PCDH17: variants seen among roughly 807,000 people sequenced by gnomAD.
PCDH17 encodes the protein protocadherin 17, also known as protocadherin-17.
Under a neutral mutation model 67.7 loss-of-function variants are expected in PCDH17, and 21 were observed. The ratio of observed to expected loss-of-function variants is 0.31; its 90% CI spans 0.22 to 0.45. The LOEUF (loss-of-function observed/expected upper bound fraction) is 0.45, where lower values mean the gene tolerates loss of function less well. PCDH17 is among the 20% of genes least tolerant of loss of function. The probability of loss-of-function intolerance (pLI) is 1.00; values close to 1 mark genes in which losing one functional copy is unlikely to be tolerated. For missense variants in PCDH17, 1,471 were observed against 1,564.8 expected (o/e 0.94, Z 1.01); for synonymous variants, 701 against 656.7 (o/e 1.07, Z -1.03).
intron 1 of PCDH17, among the ~76,000 whole-genome samples, chr13:57,661,955 A>T (rs1955189095): frequency 6.6e-6 from 1 of 152,028 alleles, no homozygotes; most frequent in Non-Finnish European, 1.5e-5. Context: ...CGCCTCCTGG[A>T]TTCAAGCGAT....
chr13:57,684,086 C>T (rs556679547), intron 3 of PCDH17, among the ~76,000 whole-genome samples: 28 of 151,892 alleles, frequency 1.8e-4, no homozygotes, highest in Non-Finnish European at 3.4e-4. Context: ...GTTAAAAGAA[C>T]GACTCTCCAG....
Position 57,634,901 on chromosome 13 carries a change from G to A in PCDH17, c.2355G>A (p.Val785=), listed in dbSNP as rs1160277559. 1 of 1,613,832 alleles carries A rather than the reference G, an allele frequency of 6.2e-7. No homozygotes were observed. Among genetic ancestry groups the A allele is most frequent in the Non-Finnish European group, 8.5e-7 (1 of 1,179,984 alleles). ...EERNAMNVMN[V]VSSPSLATSP... ...GGAACGCCATGAACGTCATGAACGT[G>A]GTGAGCAGCCCCTCCCTGGCCACCT... is the stretch of plus-strand genomic sequence containing the variant. Residue 785 remains valine (V), a synonymous_variant, in exon 1 of 4, where the codon GTG becomes GTA. Transcript: ENST00000377918. The surrounding 1 kb of genome is among the most constrained non-coding windows in gnomAD (Gnocchi z 7.8).
At chr13:57,681,975 T>A (rs888019737) in intron 3 of PCDH17, among the ~76,000 whole-genome samples, 1 of 151,838 alleles carries the variant, frequency 6.6e-6, no homozygotes, top group African/African-American at 2.4e-5. Flanking sequence ...CTGTAGTCCA[T>A]CTGTATTCAT....
At chr13:57,689,107 G>A (rs1051936406) in intron 3 of PCDH17, among the ~76,000 whole-genome samples, 8 of 152,022 alleles carry the variant, frequency 5.3e-5, no homozygotes, top group Non-Finnish European at 1.2e-4. Flanking sequence ...TAAAGATGAT[G>A]ATAATGTGTT....
In PCDH17 at chr13:57,680,649, C is replaced by T. The variant is rs901107247; in HGVS notation, c.2797+13816C>T. ...TGAGGAGGGTTGAAAATGCAAACAACTTGATGGCCAAGCTGATCATTCATC... is the reference window on the plus strand; with the variant it reads ...TGAGGAGGGTTGAAAATGCAAACAATTTGATGGCCAAGCTGATCATTCATC... On this transcript the variant is annotated intron_variant, in intron 3 of 3. Transcript: ENST00000377918. Among the ~76,000 whole-genome samples, 42 of 151,504 alleles carry T rather than the reference C, an allele frequency of 2.8e-4. 1 individual carries two copies. Among genetic ancestry groups the T allele is most frequent in the South Asian group, 6.2e-4 (3 of 4,830 alleles).
intron 1 of PCDH17, among the ~76,000 whole-genome samples, chr13:57,645,921 T>G (rs1284782229): frequency 6.6e-6 from 1 of 151,442 alleles, no homozygotes; most frequent in East Asian, 1.9e-4. Context: ...CGTCTATATA[T>G]TAATTAATTT....
chr13:57,692,179 C>T (rs1458737096), intron 3 of PCDH17, among the ~76,000 whole-genome samples: 1 of 151,140 alleles, frequency 6.6e-6, no homozygotes, highest in East Asian at 1.9e-4. Context: ...CCTTGAATAA[C>T]AGTTCTACGC....
intron 1 of PCDH17, among the ~76,000 whole-genome samples, chr13:57,654,089 T>C (rs1955074994): frequency 6.6e-6 from 1 of 152,174 alleles, no homozygotes. Flanking sequence ...TCATCTTTAA[T>C]ATTTTATCTG....
At chr13:57,698,729 G>A (rs561636508) in intron 3 of PCDH17, among the ~76,000 whole-genome samples, 14 of 151,970 alleles carry the variant, frequency 9.2e-5, no homozygotes, top group South Asian at 2.1e-4. Flanking sequence ...ATAATGATCC[G>A]AAATGATGCC....
intron 1 of PCDH17, among the ~76,000 whole-genome samples, chr13:57,640,665 C>T (rs146484852): frequency 3.3e-5 from 5 of 151,996 alleles, no homozygotes; most frequent in Middle Eastern, 3.4e-3. Context: ...CCTATGTAGA[C>T]GAAGAGAAAC....
At chr13:57,680,730 C>T (rs1189491183) in intron 3 of PCDH17, among the ~76,000 whole-genome samples, 1 of 151,630 alleles carries the variant, frequency 6.6e-6, no homozygotes, top group Non-Finnish European at 1.5e-5. Flanking sequence ...TATATTATAT[C>T]ATGTCATTTA....
intron 1 of PCDH17, among the ~76,000 whole-genome samples, chr13:57,651,652 T>G (rs1239349913): frequency 2.0e-5 from 3 of 152,086 alleles, no homozygotes; most frequent in African/African-American, 7.2e-5. Context: ...ATTTTGAAAA[T>G]TCCTGACTTA....
intron 3 of PCDH17, among the ~76,000 whole-genome samples, chr13:57,704,752 A>G (rs927634231): frequency 6.6e-6 from 1 of 152,044 alleles, no homozygotes; most frequent in Non-Finnish European, 1.5e-5. Context: ...ATATCACAAA[A>G]CGATGAGATA....
chr13:57,687,888 G>C (rs539565578), intron 3 of PCDH17, among the ~76,000 whole-genome samples: 7 of 152,088 alleles, frequency 4.6e-5, no homozygotes, highest in Non-Finnish European at 7.4e-5. Context: ...GTCCTCACAC[G>C]TGGCAGATTG....
Position 57,677,306 on chromosome 13 carries a change from T to C in PCDH17, c.2797+10473T>C, listed in dbSNP as rs145362883. On this transcript the variant is annotated intron_variant, in intron 3 of 3. Transcript: ENST00000377918. ...AAATATAGTAAAATGTAGAAAATAA[T>C]GTATTGTTATTTAGGTATAAATGAA... is the stretch of plus-strand genomic sequence containing the variant. Among the ~76,000 whole-genome samples, 752 of 151,938 alleles carry C rather than the reference T, an allele frequency of 4.9e-3. 9 individuals carry two copies. Among genetic ancestry groups the C allele is most frequent in the Middle Eastern group, 0.017 (5 of 294 alleles).
chr13:57,722,697 C>T (rs571130407), intron 3 of PCDH17, among the ~76,000 whole-genome samples: 456 of 152,244 alleles, frequency 3.0e-3, no homozygotes, highest in Non-Finnish European at 5.0e-3. Flanking sequence ...CTTACTGCAG[C>T]CTTGAACTCC....
upstream of PCDH17, among the ~76,000 whole-genome samples, chr13:57,630,581 A>G (rs1270950088): frequency 6.6e-6 from 1 of 152,206 alleles, no homozygotes; most frequent in Non-Finnish European, 1.5e-5. Flanking sequence ...TAAACAAAAT[A>G]AATAAACCAA....
intron 1 of PCDH17, among the ~76,000 whole-genome samples, chr13:57,659,385 A>G (rs1015456729): frequency 6.6e-6 from 1 of 152,258 alleles, no homozygotes; most frequent in Non-Finnish European, 1.5e-5. Context: ...CTCATCCCAC[A>G]GGTGTCTAAT....
At chr13:57,691,276 C>G (rs1415368905) in intron 3 of PCDH17, among the ~76,000 whole-genome samples, 1 of 151,122 alleles carries the variant, frequency 6.6e-6, no homozygotes, top group Non-Finnish European at 1.5e-5. Flanking sequence ...ATTTTTATAG[C>G]ACATAGTGAA....
Sources: allele counts gnomAD v4.1 joint callset (sites outside exome capture counted in the v4.1 genomes callset), GRCh38; gene constraint gnomAD v4.1.1; non-coding constraint Gnocchi (gnomAD v3.1); transcripts MANE v1.5; gene names NCBI Gene and HGNC (gene_info 2026-07-23, HGNC 2026-07-21).